The following B3GALT1 variants were observed in gnomAD, a reference collection of about 807,000 sequenced individuals.
B3GALT1 encodes the protein UDP-Gal:betaGlcNAc beta 1,3-galactosyltransferase, polypeptide 1.
In B3GALT1, 10 loss-of-function variants were observed where a neutral mutation model predicts 23.2. The ratio of observed to expected loss-of-function variants is 0.43; its 90% CI spans 0.27 to 0.73. B3GALT1 has a LOEUF of 0.73. Ranked by LOEUF, B3GALT1 falls within the 30% of genes least tolerant of loss-of-function variation. The pLI is 0.21. For missense variants in B3GALT1, 299 were observed against 405.4 expected (o/e 0.74, Z 2.25); for synonymous variants, 156 against 141.5 (o/e 1.10, Z -0.73).
At chr2:167,449,255 A>T (rs11895848) in intron 1 of B3GALT1, among the ~76,000 whole-genome samples, 4,678 of 152,124 alleles carry the variant, frequency 0.031, 225 homozygotes, top group African/African-American at 0.11. Context: ...TTGTGTCATC[A>T]GTGATTTCTT....
At chr2:167,476,282 T>C (rs1699484171) in intron 1 of B3GALT1, among the ~76,000 whole-genome samples, 2 of 152,240 alleles carry the variant, frequency 1.3e-5, no homozygotes, top group South Asian at 2.1e-4. Context: ...GCTCTAGGTA[T>C]TTATCTTCAG....
chr2:167,756,501 T>G (rs1332260338), intron 3 of B3GALT1, among the ~76,000 whole-genome samples: 6 of 152,240 alleles, frequency 3.9e-5, no homozygotes, highest in Non-Finnish European at 8.8e-5. Flanking sequence ...AGCGATATGC[T>G]ACGATCAATA....
chr2:167,337,097 T>C (rs943819907), intron 1 of B3GALT1, among the ~76,000 whole-genome samples: 2 of 152,148 alleles, frequency 1.3e-5, no homozygotes. Flanking sequence ...ATCAGAATGT[T>C]GGACAATACC....
intron 4 of B3GALT1, among the ~76,000 whole-genome samples, chr2:167,831,199 T>TAATA (rs1689345374): frequency 6.6e-6 from 1 of 152,258 alleles, no homozygotes; most frequent in Non-Finnish European, 1.5e-5. Flanking sequence ...TCATACTTTC[T>TAATA]AATAGTTCTC....
chr2:167,512,624 G>GTATATATATATATATATA (rs202089193), intron 2 of B3GALT1, among the ~76,000 whole-genome samples: 8 of 49,670 alleles, frequency 1.6e-4, no homozygotes, highest in African/African-American at 1.4e-3. Context: ...ATATATACGT[G>GTATATATATATATATATA]TATATATATA....
At chr2:167,530,421 G>A (rs1683306984) in intron 2 of B3GALT1, among the ~76,000 whole-genome samples, 1 of 152,130 alleles carries the variant, frequency 6.6e-6, no homozygotes, top group Admixed American at 6.6e-5. Flanking sequence ...CAGCCAGTAG[G>A]TGCTCGCTAA....
intron 3 of B3GALT1, among the ~76,000 whole-genome samples, chr2:167,748,939 G>C: frequency 6.6e-6 from 1 of 152,100 alleles, no homozygotes; most frequent in Non-Finnish European, 1.5e-5. Context: ...TATGTTCCAG[G>C]CTCCATGCTG....
At chr2:167,469,417 T>C (rs562987472) in intron 1 of B3GALT1, among the ~76,000 whole-genome samples, 1 of 152,208 alleles carries the variant, frequency 6.6e-6, no homozygotes, top group African/African-American at 2.4e-5. Context: ...TAGTAAATAA[T>C]GACTTGGAAA....
chr2:167,586,380 A>C (rs1227141), intron 2 of B3GALT1, among the ~76,000 whole-genome samples: 1 of 152,002 alleles, frequency 6.6e-6, no homozygotes, highest in East Asian at 1.9e-4. Context: ...GCTCACTGCA[A>C]CCTCCGCCTC....
intron 1 of B3GALT1, among the ~76,000 whole-genome samples, chr2:167,373,249 A>T (rs949034584): frequency 1.3e-5 from 2 of 152,142 alleles, no homozygotes; most frequent in African/African-American, 4.8e-5. Context: ...CCTAATTTTA[A>T]AAAACAACAG....
chr2:167,579,432 C>CTTTTTTTTTTTTCTTTTTTT (rs1684443536), intron 2 of B3GALT1, among the ~76,000 whole-genome samples: 1 of 109,050 alleles, frequency 9.2e-6, no homozygotes, highest in Admixed American at 1.0e-4. Context: ...TTTTTTTTGT[C>CTTTTTTTTTTTTCTTTTTTT]TTTTTTTTTT....
intron 2 of B3GALT1, among the ~76,000 whole-genome samples, chr2:167,521,498 T>G (rs1700188001): frequency 1.3e-5 from 2 of 152,278 alleles, no homozygotes; most frequent in East Asian, 1.9e-4. Flanking sequence ...ATCTTGGAAT[T>G]TATGTTTTTA....
intron 4 of B3GALT1, among the ~76,000 whole-genome samples, chr2:167,847,272 C>G (rs1455192575): frequency 2.0e-5 from 3 of 152,112 alleles, no homozygotes; most frequent in African/African-American, 7.2e-5. Flanking sequence ...CATCCAACAA[C>G]CACAGAATAC....
intron 3 of B3GALT1, among the ~76,000 whole-genome samples, chr2:167,810,894 A>T (rs1688875170): frequency 6.6e-6 from 1 of 152,232 alleles, no homozygotes; most frequent in Non-Finnish European, 1.5e-5. Flanking sequence ...AGGTAAAAGT[A>T]ATAATAGAAG....
chr2:167,321,710 A>G (rs1002079702), intron 1 of B3GALT1, among the ~76,000 whole-genome samples: 1 of 151,988 alleles, frequency 6.6e-6, no homozygotes, highest in Non-Finnish European at 1.5e-5. Flanking sequence ...CCCCACGTGC[A>G]TTTAAAAGAT....
At chr2:167,431,418 T>C (rs2105307473) in intron 1 of B3GALT1, among the ~76,000 whole-genome samples, 1 of 152,328 alleles carries the variant, frequency 6.6e-6, no homozygotes, top group East Asian at 1.9e-4. Context: ...TCTTCAGGAA[T>C]AATTAAATGG....
At chr2:167,753,973 A>G (rs72876881) in intron 3 of B3GALT1, among the ~76,000 whole-genome samples, 6,566 of 152,326 alleles carry the variant, frequency 0.043, 171 homozygotes, top group Middle Eastern at 0.088. Context: ...ATTATGGCTG[A>G]TGAAGGTCTG....
chr2:167,825,897 TTTAAA>T (rs1203817444), intron 4 of B3GALT1, among the ~76,000 whole-genome samples: 5 of 152,234 alleles, frequency 3.3e-5, no homozygotes, highest in African/African-American at 1.2e-4. Flanking sequence ...TATTTTTCCT[TTTAAA>T]TTAAATACTG....
intron 2 of B3GALT1, among the ~76,000 whole-genome samples, chr2:167,624,336 T>C (rs1274804078): frequency 6.6e-6 from 1 of 152,062 alleles, no homozygotes; most frequent in Non-Finnish European, 1.5e-5. Context: ...CTTTCTTTAA[T>C]AGGCTTCCTT....
Sources: allele counts gnomAD v4.1 joint callset (sites outside exome capture counted in the v4.1 genomes callset), GRCh38; gene constraint gnomAD v4.1.1; transcripts MANE v1.5; gene names NCBI Gene and HGNC (gene_info 2026-07-23, HGNC 2026-07-21).